Variants in WDFY4 observed in about 807,000 individuals in gnomAD.
WDFY4 encodes WD repeat- and FYVE domain-containing protein 4.
Under a neutral mutation model 351.9 loss-of-function variants are expected in WDFY4, and 169 were observed. The ratio of observed to expected loss-of-function variants is 0.48; its 90% confidence interval spans 0.42 to 0.55. WDFY4 has a LOEUF of 0.55. WDFY4 is among the 20% of genes least tolerant of loss of function. The pLI is 0.00. For missense variants in WDFY4, 3,803 were observed against 3,935.6 expected (o/e 0.97, Z 0.90); for synonymous variants, 1,622 against 1,574.6 (o/e 1.03, Z -0.71).
intron 1 of WDFY4, among the ~76,000 whole-genome samples, chr10:48,704,954 G>A (rs1048427426): frequency 3.3e-4 from 14 of 41,906 alleles, no homozygotes; most frequent in African/African-American, 6.2e-4. Context: ...TGCTAGAGGG[G>A]CCCTGGTGAG....
chr10:48,857,339 C>CT (rs72042110), intron 39 of WDFY4, among the ~76,000 whole-genome samples: 66,768 of 150,614 alleles, frequency 0.44, 16,236 homozygotes, highest in East Asian at 0.7. Context: ...GTGAAAATAG[C>CT]TTTTTTTTTC....
chr10:48,709,688 T>G, intron 1 of WDFY4, 28 bp from the exon 2 acceptor site: 1 of 1,526,224 alleles, frequency 6.6e-7, no homozygotes, highest in Non-Finnish European at 8.9e-7. Context: ...GTGACAGGAA[T>G]GTTCACTTCT....
chr10:48,810,922 G>A (rs1173949673), intron 29 of WDFY4, among the ~76,000 whole-genome samples, 187 bp downstream of exon 29: 1 of 152,038 alleles, frequency 6.6e-6, no homozygotes, highest in Admixed American at 6.5e-5. Flanking sequence ...AGGATCCCCC[G>A]CAGCCTCACT....
At chr10:48,862,234 T>C (rs1266566890) in intron 39 of WDFY4, among the ~76,000 whole-genome samples, 2 of 152,248 alleles carry the variant, frequency 1.3e-5, no homozygotes, top group Admixed American at 6.5e-5. Context: ...GTCTATGTTA[T>C]GAGACTCTGG....
intron 51 of WDFY4, among the ~76,000 whole-genome samples, chr10:48,949,846 G>A (rs1413890923): frequency 6.6e-6 from 1 of 152,134 alleles, no homozygotes; most frequent in Non-Finnish European, 1.5e-5. Flanking sequence ...GTCTGACTTT[G>A]CTCAGATCGC....
At chr10:48,821,698 C>T (rs951519739) in intron 34 of WDFY4, among the ~76,000 whole-genome samples, 1 of 152,206 alleles carries the variant, frequency 6.6e-6, no homozygotes, top group South Asian at 2.1e-4. Flanking sequence ...GGTTCCCAAG[C>T]CACAGGAATC....
intron 16 of WDFY4, 103 bp from the exon 17 acceptor site, chr10:48,777,316 C>A: frequency 8.9e-7 from 1 of 1,117,646 alleles, no homozygotes; most frequent in Non-Finnish European, 1.3e-6. Context: ...GTTACAGTGC[C>A]GGCAGGAGGG....
chr10:48,805,816 G>A (rs2067234979), intron 26 of WDFY4, among the ~76,000 whole-genome samples, 188 bp from the exon 27 acceptor site: 1 of 152,200 alleles, frequency 6.6e-6, no homozygotes, highest in African/African-American at 2.4e-5. Flanking sequence ...TAGAGCCAGA[G>A]TTAGCGTCTC....
intron 32 of WDFY4, among the ~76,000 whole-genome samples, chr10:48,819,530 G>T (rs919150785): frequency 6.6e-6 from 1 of 152,218 alleles, no homozygotes; most frequent in African/African-American, 2.4e-5. Flanking sequence ...CGGGCTGGGA[G>T]TCAGGAGTCC....
chr10:48,902,429 G>C (rs528528829), intron 47 of WDFY4, among the ~76,000 whole-genome samples: 13 of 152,238 alleles, frequency 8.5e-5, no homozygotes, highest in Non-Finnish European at 1.8e-4. Context: ...ATTTCAGTCG[G>C]GGTGAGAATA....
chr10:48,698,011 C>G (rs1020022965), intron 1 of WDFY4, among the ~76,000 whole-genome samples: 4 of 152,184 alleles, frequency 2.6e-5, no homozygotes, highest in African/African-American at 9.6e-5. Context: ...ATTTGTTCTC[C>G]TACGGTCCTG....
At chr10:48,838,068 TG>T (rs1457170858) in intron 39 of WDFY4, among the ~76,000 whole-genome samples, 5 of 152,162 alleles carry the variant, frequency 3.3e-5, no homozygotes, top group Non-Finnish European at 7.4e-5. Context: ...CAAACTGAAA[TG>T]GCCCATGCAG....
At chr10:48,785,774 A>G (rs2066386418) in intron 19 of WDFY4, among the ~76,000 whole-genome samples, 1 of 152,156 alleles carries the variant, frequency 6.6e-6, no homozygotes. Context: ...TTCCTCCCCC[A>G]AATTAATTCT....
At chr10:48,912,211 T>A (rs1262604748) in intron 47 of WDFY4, among the ~76,000 whole-genome samples, 1 of 152,242 alleles carries the variant, frequency 6.6e-6, no homozygotes, top group Non-Finnish European at 1.5e-5. Context: ...CTAGCGTAAC[T>A]GGCACCACTG....
chr10:48,951,352 C>T (rs544101728), intron 51 of WDFY4, among the ~76,000 whole-genome samples: 3 of 152,256 alleles, frequency 2.0e-5, no homozygotes, highest in African/African-American at 7.2e-5. Flanking sequence ...GGTGTGAACT[C>T]GTCTGTCTGC....
Position 48,970,261 on chromosome 10 carries a change from G to A in WDFY4, c.8900G>A (p.Gly2967Asp), listed in dbSNP as rs746269326. The A allele has an allele frequency of 1.9e-6, 3 of 1,551,260 alleles. No homozygotes were observed. Among genetic ancestry groups the A allele is most frequent in the African/African-American group, 1.4e-5 (1 of 73,048 alleles). ...GTGTGGGAGCTCAGCATGACCAAAG[G>A]CCGCCCGAGGGGCTTGCGCCTCCGG... ...VCVWELSMTKGRPRGLRLRQA... is the reference protein window; with the variant it reads ...VCVWELSMTKDRPRGLRLRQA... Residue 2967 changes from glycine (G) to aspartate (D), a missense_variant, in exon 57 of 62, where the codon GGC becomes GAC. Gly to Asp is a moderately conservative substitution (Grantham distance 94). Coordinates refer to ENST00000325239, the MANE Select transcript of WDFY4 (RefSeq NM_001394531.1).
chr10:48,780,911 C>G (rs994203581), intron 19 of WDFY4, among the ~76,000 whole-genome samples: 5 of 152,176 alleles, frequency 3.3e-5, no homozygotes, highest in African/African-American at 1.2e-4. Flanking sequence ...AATTTGACAA[C>G]TTACTAATGT....
intron 47 of WDFY4, among the ~76,000 whole-genome samples, chr10:48,918,968 C>G (rs1202208541): frequency 6.6e-6 from 1 of 152,194 alleles, no homozygotes; most frequent in Non-Finnish European, 1.5e-5. Context: ...TTACCACTGA[C>G]CAACTGAATC....
chr10:48,817,372 C>T lies in WDFY4; in HGVS notation c.5468C>T (p.Thr1823Ile). 2 of 1,551,600 alleles carry T rather than the reference C, an allele frequency of 1.3e-6. No individual in the cohort carries two copies. The highest frequency in any genetic ancestry group is 1.4e-5 in the African/African-American group (1 of 73,192). ...PAWRAPEFLQ[T>I]LAIAAFPLGA... ...TGGCGAGCCCCGGAGTTCCTCCAGA[C>T]CTTGGCCATAGCCGCCTTCCCCCTG... Residue 1823 changes from threonine (T) to isoleucine (I), a missense_variant, in exon 32 of 62, where the codon ACC becomes ATC. Thr to Ile is a moderately conservative substitution (Grantham distance 89). Around this residue, in one of 3 missense-constraint regions of WDFY4, gnomAD observed 3,054 missense variants for 3,148.6 expected, o/e 0.97. Transcript: ENST00000325239.
Sources: allele counts gnomAD v4.1 joint callset (sites outside exome capture counted in the v4.1 genomes callset), GRCh38; gene constraint gnomAD v4.1.1; regional missense constraint gnomAD v4.1.1; transcripts MANE v1.5; gene names NCBI Gene and HGNC (gene_info 2026-07-23, HGNC 2026-07-21).